Variants in GPC6 observed in about 807,000 individuals in gnomAD.
The protein encoded by GPC6 is glypican 6.
GPC6 carries 14 observed loss-of-function variants against 55.2 expected under a neutral mutation model. That is an observed-to-expected ratio of 0.25 (90% CI 0.17 to 0.40). The LOEUF is 0.40. GPC6 is among the 10% of genes least tolerant of loss of function. The probability of loss-of-function intolerance (pLI) is 1.00; values close to 1 mark genes in which losing one functional copy is unlikely to be tolerated. For synonymous variants in GPC6, 278 were observed against 259.6 expected (o/e 1.07, Z -0.68); for missense variants, 641 against 708.5 (o/e 0.90, Z 1.08).
chr13:94,068,344 T>G (rs1248158750), intron 4 of GPC6, among the ~76,000 whole-genome samples: 1 of 152,152 alleles, frequency 6.6e-6, no homozygotes, highest in African/African-American at 2.4e-5. Flanking sequence ...TTGAATTATC[T>G]CCCACCAGGT....
intron 3 of GPC6, among the ~76,000 whole-genome samples, chr13:93,917,833 T>C (rs1426170233): frequency 6.6e-6 from 1 of 152,160 alleles, no homozygotes; most frequent in African/African-American, 2.4e-5. Flanking sequence ...CTGCGGTGGC[T>C]CACGCCTGTA....
chr13:94,141,919 TTAGAAA>T (rs2138881477), intron 4 of GPC6, among the ~76,000 whole-genome samples: 1 of 152,300 alleles, frequency 6.6e-6, no homozygotes, highest in South Asian at 2.1e-4. Context: ...AGAATTCTCG[TTAGAAA>T]CTATTTATTT....
intron 4 of GPC6, among the ~76,000 whole-genome samples, chr13:94,038,323 A>T (rs1188132668): frequency 2.0e-5 from 3 of 151,746 alleles, no homozygotes. Flanking sequence ...TCATTTTCCT[A>T]AAAAAAATTT....
intron 2 of GPC6, among the ~76,000 whole-genome samples, chr13:93,770,985 T>C (rs371828634): frequency 8.5e-5 from 13 of 152,050 alleles, no homozygotes; most frequent in African/African-American, 3.1e-4. Context: ...CTTTGTAACA[T>C]CATCCAGCAC....
At chr13:93,798,937 A>AT (rs1886289027) in intron 2 of GPC6, among the ~76,000 whole-genome samples, 1 of 149,838 alleles carries the variant, frequency 6.7e-6, no homozygotes. Context: ...AAAAAAAAAA[A>AT]TGGTGACAAC....
chr13:93,392,185 A>C (rs1361122021), intron 1 of GPC6, among the ~76,000 whole-genome samples: 3 of 152,132 alleles, frequency 2.0e-5, no homozygotes, highest in Non-Finnish European at 2.9e-5. Flanking sequence ...AAATGTCTAC[A>C]CTGCTATTCA....
At chr13:93,828,602 T>G (rs1019064485) in intron 2 of GPC6, among the ~76,000 whole-genome samples, 3 of 152,120 alleles carry the variant, frequency 2.0e-5, no homozygotes, top group African/African-American at 7.2e-5. Flanking sequence ...AATATTCAAC[T>G]TTATTTTACA....
chr13:93,412,500 T>C (rs886603022), intron 1 of GPC6, among the ~76,000 whole-genome samples: 1 of 151,966 alleles, frequency 6.6e-6, no homozygotes, highest in Non-Finnish European at 1.5e-5. Flanking sequence ...CTACTAAAAA[T>C]TCAAAAATTA....
chr13:93,985,689 C>CAAAAAAAA (rs34003218), intron 3 of GPC6, among the ~76,000 whole-genome samples: 1 of 69,400 alleles, frequency 1.4e-5, no homozygotes, highest in Non-Finnish European at 2.5e-5. Context: ...AAGACCTGGC[C>CAAAAAAAA]AAAAAAAAAA....
Position 93,944,170 on chromosome 13 carries a change from T to TTTTATTTA in GPC6, c.712-83519_712-83512dup, listed in dbSNP as rs140286554. On this transcript the variant is annotated intron_variant, in intron 3 of 8. Coordinates refer to ENST00000377047, the MANE Select transcript of GPC6 (RefSeq NM_005708.5). ...AACAAATTCCAGTTTCTTCCTTTTA[T>TTTTATTTA]TTTATTTATTTATTTATTTATTTAT... 9.4e-4 allele frequency among the ~76,000 whole-genome samples: 137 copies of TTTTATTTA among 144,984 alleles called. 1 individual carries two copies. Among genetic ancestry groups the TTTTATTTA allele is most frequent in the Admixed American group, 2.7e-3 (40 of 14,548 alleles).
intron 5 of GPC6, among the ~76,000 whole-genome samples, chr13:94,294,775 A>G (rs1875235195): frequency 6.6e-6 from 1 of 152,110 alleles, no homozygotes; most frequent in Non-Finnish European, 1.5e-5. Flanking sequence ...TTGTTCCAGT[A>G]TCATTTATCT....
At chr13:93,736,324 C>G (rs994998218) in intron 2 of GPC6, among the ~76,000 whole-genome samples, 1 of 152,144 alleles carries the variant, frequency 6.6e-6, no homozygotes, top group Non-Finnish European at 1.5e-5. Context: ...ATATGTGTGA[C>G]AGCACACTGA....
intron 4 of GPC6, among the ~76,000 whole-genome samples, chr13:94,210,925 C>T (rs545063970): frequency 3.3e-5 from 5 of 152,134 alleles, no homozygotes; most frequent in African/African-American, 4.8e-5. Flanking sequence ...CGTGTGAGTA[C>T]GGGAGTTTAC....
At chr13:94,112,952 T>A (rs1029650013) in intron 4 of GPC6, among the ~76,000 whole-genome samples, 1 of 152,124 alleles carries the variant, frequency 6.6e-6, no homozygotes, top group Non-Finnish European at 1.5e-5. Context: ...TGATTGGAGT[T>A]GGGCCTGTTA....
chr13:94,326,127 A>G (rs1034980491), intron 6 of GPC6, among the ~76,000 whole-genome samples: 3 of 152,280 alleles, frequency 2.0e-5, no homozygotes, highest in Middle Eastern at 3.4e-3. Flanking sequence ...ATCCAGAAAG[A>G]TGAAATAACT....
intron 4 of GPC6, among the ~76,000 whole-genome samples, chr13:94,242,865 G>A (rs1594091480): frequency 6.6e-6 from 1 of 151,654 alleles, no homozygotes; most frequent in East Asian, 1.9e-4. Context: ...AAGTTTCCAA[G>A]AAGCTACACA....
intron 2 of GPC6, among the ~76,000 whole-genome samples, chr13:93,809,495 T>TCAG (rs1474926792): frequency 2.0e-5 from 3 of 152,196 alleles, no homozygotes; most frequent in Admixed American, 1.3e-4. Flanking sequence ...TATCTGTAAT[T>TCAG]CATAAGCAAG....
chr13:93,957,963 A>C (rs893531501), intron 3 of GPC6, among the ~76,000 whole-genome samples: 1 of 152,204 alleles, frequency 6.6e-6, no homozygotes, highest in Non-Finnish European at 1.5e-5. Flanking sequence ...TCTGACAATT[A>C]GTGATGATGA....
At chr13:94,041,698 C>T (rs1021276060) in intron 4 of GPC6, among the ~76,000 whole-genome samples, 1 of 151,828 alleles carries the variant, frequency 6.6e-6, no homozygotes, top group African/African-American at 2.4e-5. Context: ...AAGATTCTTA[C>T]TTACCAGGGG....
Sources: gnomAD v4.1 joint callset for allele counts (sites outside exome capture counted in the v4.1 genomes callset) on GRCh38, gnomAD v4.1.1 for gene constraint, MANE v1.5 for transcripts, NCBI Gene and HGNC (gene_info 2026-07-23, HGNC 2026-07-21) for gene names.